TLK1: variants seen among roughly 807,000 people sequenced by gnomAD.
TLK1 encodes serine/threonine-protein kinase tousled-like 1.
TLK1 carries 24 observed loss-of-function variants against 105.3 expected under a neutral mutation model. The observed-to-expected ratio is 0.23, with a 90% CI of 0.17 to 0.32. The LOEUF (loss-of-function observed/expected upper bound fraction) is 0.32, where lower values mean the gene tolerates loss of function less well. Among genes scored for constraint, TLK1 ranks in the 10% least tolerant of loss-of-function variants. The probability of loss-of-function intolerance (pLI) is 1.00; values close to 1 mark genes in which losing one functional copy is unlikely to be tolerated. For missense variants in TLK1, 558 were observed against 910.5 expected, an observed-to-expected ratio of 0.61 and a Z score of 4.98; for synonymous variants, 321 against 310.4, an observed-to-expected ratio of 1.03 and a Z score of -0.36.
chr2:171,096,888 G>T (rs904310804), intron 2 of TLK1, among the ~76,000 whole-genome samples: 1 of 152,146 alleles, frequency 6.6e-6, no homozygotes, highest in Middle Eastern at 3.4e-3. Flanking sequence ...AATTAATATT[G>T]TTTAACTGTC....
chr2:171,205,259 T>C (rs1693482451), intron 1 of TLK1, among the ~76,000 whole-genome samples: 1 of 151,804 alleles, frequency 6.6e-6, no homozygotes, highest in South Asian at 2.1e-4. Flanking sequence ...ATCTATCGTC[T>C]ATTAAATATA....
chr2:171,056,338 A>C (rs1687499267), intron 6 of TLK1, 133 bp downstream of exon 6: 2 of 593,484 alleles, frequency 3.4e-6, no homozygotes, highest in Non-Finnish European at 5.6e-6. Flanking sequence ...ATGTCACAGA[A>C]ATAATGTATT....
intron 1 of TLK1, among the ~76,000 whole-genome samples, chr2:171,171,134 C>T (rs1692717846): frequency 6.6e-6 from 1 of 152,098 alleles, no homozygotes; most frequent in Admixed American, 6.5e-5. Flanking sequence ...AATGTGCTAA[C>T]CATATGGGAT....
At position 170,991,857 on chromosome 2, in the gene TLK1, G is replaced by A. The variant is rs1024818716; in HGVS notation, c.*1923C>T. On this transcript the variant is annotated 3_prime_UTR_variant, in exon 21 of 21. Transcript: ENST00000431350. ...AAAACTGAAAACTTGCAGGCAGCACGTAAAGCACTCAATCAATGCTAAGAT... is the reference window on the plus strand; with the variant it reads ...AAAACTGAAAACTTGCAGGCAGCACATAAAGCACTCAATCAATGCTAAGAT... The A allele has an allele frequency of 1.3e-5, 2 of 151,912 alleles. No individual in the cohort carries two copies. The highest frequency in any genetic ancestry group is 4.8e-5 in the African/African-American group (2 of 41,362). The allele number at this position is 151,912 out of a possible 1,614,324, so 9.4% of individuals were successfully genotyped here. A position where few individuals can be genotyped will look rare whatever the true frequency, so the allele number is the denominator to read the frequency against.
Position 170,993,249 on chromosome 2 carries a change from A to G in TLK1, c.*531T>C, listed in dbSNP as rs1393558316. Reference sequence around the variant, plus strand: ...CCAAAGATTCTAACTCTCACATTCTATTACTATAAAACACAACTGTCACTG... The same window carrying G: ...CCAAAGATTCTAACTCTCACATTCTGTTACTATAAAACACAACTGTCACTG... On this transcript the variant is annotated 3_prime_UTR_variant, in exon 21 of 21. Transcript: ENST00000431350. 6 of 152,770 alleles carry G rather than the reference A, an allele frequency of 3.9e-5. No homozygotes were observed. In the South Asian group the frequency reaches 1.2e-3, roughly 32 times the overall value. 9.5% of individuals were successfully genotyped at this position (152,770 alleles called of 1,614,324 possible).
At chr2:171,165,171 A>G (rs1356252308), upstream of TLK1, among the ~76,000 whole-genome samples, 1 of 152,242 alleles carries the variant, frequency 6.6e-6, no homozygotes, top group African/African-American at 2.4e-5. Flanking sequence ...TTGAGAACAC[A>G]GAAATGAACT....
At chr2:171,191,661 G>A (rs973551617) in intron 1 of TLK1, among the ~76,000 whole-genome samples, 1 of 152,150 alleles carries the variant, frequency 6.6e-6, no homozygotes, top group African/African-American at 2.4e-5. Flanking sequence ...GGGAAATTGA[G>A]TTTTAAATCA....
intron 11 of TLK1, among the ~76,000 whole-genome samples, chr2:171,044,668 T>C (rs1354187956): frequency 6.6e-6 from 1 of 152,056 alleles, no homozygotes; most frequent in Non-Finnish European, 1.5e-5. Context: ...GAGTGAGAAA[T>C]GTGACGGCCT....
chr2:171,216,369 G>C (rs760139278), intron 1 of TLK1, among the ~76,000 whole-genome samples: 1 of 152,028 alleles, frequency 6.6e-6, no homozygotes, highest in African/African-American at 2.4e-5. Context: ...CCAGCTACTC[G>C]GGAGGCTGAG....
intron 10 of TLK1, 54 bp from the exon 11 acceptor site, chr2:171,046,416 C>T: frequency 6.8e-7 from 1 of 1,474,990 alleles, no homozygotes; most frequent in Non-Finnish European, 9.0e-7. Context: ...CTTTTCAAGG[C>T]TAAACTTGGA....
intron 1 of TLK1, among the ~76,000 whole-genome samples, chr2:171,229,136 T>C (rs949007271): frequency 3.7e-4 from 56 of 152,328 alleles, no homozygotes; most frequent in African/African-American, 1.3e-3. Context: ...ACATGTTCTT[T>C]TCCAGGACCT....
rs1317205567 is a variant in TLK1, at chr2:171,011,530, CTTATT to C, written c.1335-81_1335-77del. ...TCCTTCTACACTGAAGTTCTACTCT[CTTATT>C]CTATTCCTAGCTATTTATTTCTCAG... On this transcript the variant is annotated intron_variant, in intron 13 of 20. Coordinates refer to ENST00000431350, the MANE Select transcript of TLK1 (RefSeq NM_012290.5). 7.6e-6 allele frequency: 9 copies of C among 1,177,264 alleles called. No homozygotes were observed. The African/African-American group carries it at 1.2e-4, about 16-fold the overall frequency. The allele number at this position is 1,177,264 out of a possible 1,614,324, so 72.9% of individuals were successfully genotyped here. A position where few individuals can be genotyped will look rare whatever the true frequency, so the allele number is the denominator to read the frequency against.
chr2:171,026,619 C>T (rs1295472810), intron 12 of TLK1, among the ~76,000 whole-genome samples: 1 of 152,100 alleles, frequency 6.6e-6, no homozygotes, highest in Non-Finnish European at 1.5e-5. Context: ...ATCACTATAA[C>T]TAAGTAAATA....
chr2:171,042,295 G>A (rs1207856890), intron 11 of TLK1, among the ~76,000 whole-genome samples: 1 of 152,114 alleles, frequency 6.6e-6, no homozygotes, highest in East Asian at 1.9e-4. Flanking sequence ...CACCCAGGCT[G>A]GAGTGCAGTG....
chr2:171,044,799 T>C (rs189790615), intron 11 of TLK1, among the ~76,000 whole-genome samples: 1 of 152,288 alleles, frequency 6.6e-6, no homozygotes, highest in East Asian at 1.9e-4. Flanking sequence ...TCTTCAAAAC[T>C]AAAATAGTCT....
At chr2:171,073,395 G>A (rs1688349979) in intron 3 of TLK1, among the ~76,000 whole-genome samples, 1 of 152,076 alleles carries the variant, frequency 6.6e-6, no homozygotes, top group Non-Finnish European at 1.5e-5. Context: ...ATAGCTTACA[G>A]ATCCATTTCA....
intron 11 of TLK1, among the ~76,000 whole-genome samples, chr2:171,036,419 G>A (rs1266061889): frequency 6.6e-6 from 1 of 152,086 alleles, no homozygotes; most frequent in Non-Finnish European, 1.5e-5. Flanking sequence ...TTTCTAAAAA[G>A]TTTAAACAGA....
At chr2:171,229,272 G>T (rs2105334903) in intron 1 of TLK1, among the ~76,000 whole-genome samples, 1 of 152,290 alleles carries the variant, frequency 6.6e-6, no homozygotes, top group East Asian at 1.9e-4. Context: ...AGCAGTATGA[G>T]TCTGATCCCT....
At chr2:171,109,289 T>C (rs546326885) in intron 2 of TLK1, among the ~76,000 whole-genome samples, 6 of 152,172 alleles carry the variant, frequency 3.9e-5, no homozygotes, top group Non-Finnish European at 5.9e-5. Flanking sequence ...ATGCAACAGA[T>C]TGAAAATCCA....
Sources: gnomAD v4.1 joint callset for allele counts (sites outside exome capture counted in the v4.1 genomes callset) on GRCh38, gnomAD v4.1.1 for gene constraint, MANE v1.5 for transcripts, NCBI Gene and HGNC (gene_info 2026-07-23, HGNC 2026-07-21) for gene names.